Variants in MAP9 observed in about 807,000 individuals in gnomAD.
MAP9 encodes microtubule-associated protein 9.
A neutral mutation model predicts 75.2 loss-of-function variants in MAP9; 80 were observed. The observed-to-expected ratio is 1.06, with a 90% CI of 0.89 to 1.28. The LOEUF (loss-of-function observed/expected upper bound fraction) is 1.28, where lower values mean the gene tolerates loss of function less well. MAP9 is among the 50% of genes most tolerant of loss of function. The pLI is 0.00. For missense variants in MAP9, 753 were observed against 719.9 expected, an observed-to-expected ratio of 1.05 and a Z score of -0.53; for synonymous variants, 235 against 237.3, an observed-to-expected ratio of 0.99 and a Z score of 0.09.
At position 155,343,345 on chromosome 4, in the gene MAP9, A is replaced by G. The variant is rs1042713677; in HGVS notation, c.*4438T>C. On this transcript the variant is annotated 3_prime_UTR_variant, in exon 14 of 14. Transcript: ENST00000311277. ...TAATTTCAGCTACAGGAGAAAGTAC[A>G]CTAGAAACTAATTAACAGGAAGAGT... The G allele has an allele frequency of 1.1e-4, 17 of 151,876 alleles. No individual in the cohort carries two copies. Among genetic ancestry groups the G allele is most frequent in the African/African-American group, 4.1e-4 (17 of 41,524 alleles). 9.4% of individuals were successfully genotyped at this position (151,876 alleles called of 1,614,324 possible).
At position 155,343,502 on chromosome 4, in the gene MAP9, G is replaced by A. The variant is rs1407570220; in HGVS notation, c.*4281C>T. On this transcript the variant is annotated 3_prime_UTR_variant, in exon 14 of 14. Transcript: ENST00000311277. ...ATTATCTCTCTCTGTAATTTGTGTA[G>A]TAAAACATCAGTTTTATATCCAAAT... The A allele has an allele frequency of 1.3e-5, 2 of 151,296 alleles. No individual in the cohort carries two copies. The highest frequency in any genetic ancestry group is 4.8e-5 in the African/African-American group (2 of 41,322). 9.4% of individuals were successfully genotyped at this position (151,296 alleles called of 1,614,324 possible).
chr4:155,347,759 C>A lies in MAP9; in HGVS notation c.*24G>T. The A allele has an allele frequency of 1.3e-6, 2 of 1,563,852 alleles. No individual in the cohort carries two copies. Among genetic ancestry groups the A allele is most frequent in the Non-Finnish European group, 1.7e-6 (2 of 1,158,304 alleles). The stretch of plus-strand genomic sequence containing the variant: ...TAATATTGGCAAACCGATAAATAAC[C>A]AAATAATGTAAGAACTAGAATTATC... On this transcript the variant is annotated 3_prime_UTR_variant, in exon 14 of 14. Transcript: ENST00000311277.
Position 155,358,951 on chromosome 4 carries a change from G to A in MAP9, c.1050+1217C>T, listed in dbSNP as rs183060230. On this transcript the variant is annotated intron_variant, in intron 7 of 13. Transcript: ENST00000311277. ...ATGTTGGTGAGAACACAGAGAAAAG[G>A]GAATGCTTGTATACTCTTGGTAAGA... Among the ~76,000 whole-genome samples, 37 of 151,962 alleles carry A rather than the reference G, an allele frequency of 2.4e-4. No individual in the cohort carries two copies. The South Asian group carries it at 4.4e-3, about 18-fold the overall frequency.
intron 3 of MAP9, among the ~76,000 whole-genome samples, chr4:155,374,700 T>C (rs1377873406): frequency 6.6e-6 from 1 of 152,206 alleles, no homozygotes; most frequent in Non-Finnish European, 1.5e-5. Context: ...TTAATTTATA[T>C]TTTCGTATAC....
At chr4:155,373,110 C>A in intron 4 of MAP9, 26 bp downstream of exon 4, 1 of 1,419,410 alleles carries the variant, frequency 7.0e-7, no homozygotes, top group African/African-American at 1.4e-5. Context: ...CCAAGAAATG[C>A]AATTACAGTA....
intron 13 of MAP9, among the ~76,000 whole-genome samples, chr4:155,351,877 G>C (rs1023471443): frequency 1.3e-5 from 2 of 151,816 alleles, no homozygotes; most frequent in Non-Finnish European, 2.9e-5. Context: ...TGAATCATAT[G>C]AATATGTTAA....
rs757291311 is a variant in MAP9, at chr4:155,343,944, T to G, written c.*3839A>C. 2.6e-5 allele frequency: 4 copies of G among 151,944 alleles called. No individual in the cohort carries two copies. Among genetic ancestry groups the G allele is most frequent in the African/African-American group, 9.7e-5 (4 of 41,438 alleles). The allele number at this position is 151,944 out of a possible 1,614,324, so 9.4% of individuals were successfully genotyped here. A position where few individuals can be genotyped will look rare whatever the true frequency, so the allele number is the denominator to read the frequency against. On this transcript the variant is annotated 3_prime_UTR_variant, in exon 14 of 14. Coordinates refer to ENST00000311277, the MANE Select transcript of MAP9 (RefSeq NM_001039580.2). ...CCAGTGTAAATGCAAACTAGGAAAG[T>G]TGATATCTTTCTTTTATGTAAAAGG... is the stretch of plus-strand genomic sequence containing the variant.
At chr4:155,352,559 T>C (rs781148279) in intron 13 of MAP9, 37 bp downstream of exon 13, 1 of 1,556,386 alleles carries the variant, frequency 6.4e-7, no homozygotes, top group South Asian at 1.2e-5. Flanking sequence ...AAAAGGTACA[T>C]GAAAAAGACG....
chr4:155,352,473 A>T, intron 13 of MAP9, 123 bp downstream of exon 13: 1 of 991,716 alleles, frequency 1.0e-6, no homozygotes, highest in Non-Finnish European at 1.5e-6. Context: ...GCTTGAATTC[A>T]ACAAAGCAGA....
At chr4:155,376,236 C>T (rs1417894765) in intron 1 of MAP9, 1 of 157,286 alleles carries the variant, frequency 6.4e-6, no homozygotes, top group Admixed American at 6.4e-5. Flanking sequence ...ATAACATTGC[C>T]TTCAAAATAA....
intron 3 of MAP9, 135 bp downstream of exon 3, chr4:155,374,802 T>A: frequency 2.2e-6 from 1 of 446,458 alleles, no homozygotes; most frequent in East Asian, 3.3e-5. Flanking sequence ...AAGTTGAAAA[T>A]CTAAAATTAG....
chr4:155,356,029 A>AGTGG (rs1731767955), intron 8 of MAP9, 145 bp from the exon 9 acceptor site: 1 of 707,104 alleles, frequency 1.4e-6, no homozygotes. Flanking sequence ...GGAAGGCCAA[A>AGTGG]GTGGGTGGAT....
intron 3 of MAP9, among the ~76,000 whole-genome samples, chr4:155,373,822 C>T (rs1373119179): frequency 6.6e-6 from 1 of 152,080 alleles, no homozygotes; most frequent in East Asian, 1.9e-4. Flanking sequence ...TTGCAAATTA[C>T]TTCTTCATGT....
intron 8 of MAP9, chr4:155,357,009 G>A (rs1236954675): frequency 6.1e-6 from 1 of 164,688 alleles, no homozygotes; most frequent in Admixed American, 6.4e-5. Flanking sequence ...AATTTCTCAT[G>A]TTAGACAATG....
At chr4:155,372,128 T>A (rs1001117661) in intron 4 of MAP9, among the ~76,000 whole-genome samples, 2 of 152,188 alleles carry the variant, frequency 1.3e-5, no homozygotes, top group African/African-American at 4.8e-5. Flanking sequence ...TGGATATTAT[T>A]CTAGTGTTCT....
At chr4:155,354,574 C>A (rs1358177921) in intron 10 of MAP9, among the ~76,000 whole-genome samples, 2 of 149,246 alleles carry the variant, frequency 1.3e-5, no homozygotes, top group Admixed American at 1.3e-4. Context: ...AGTGATCCTG[C>A]CACCTCAGCC....
intron 5 of MAP9, 40 bp from the exon 6 acceptor site, chr4:155,362,181 A>T: frequency 8.5e-7 from 1 of 1,176,472 alleles, no homozygotes; most frequent in East Asian, 2.4e-5. Context: ...ACATAAGTTT[A>T]ATAATTAACA....
At chr4:155,370,196 C>T (rs954831574) in intron 4 of MAP9, among the ~76,000 whole-genome samples, 1 of 152,150 alleles carries the variant, frequency 6.6e-6, no homozygotes, top group African/African-American at 2.4e-5. Context: ...ATTCTAATTG[C>T]CAAATATCTC....
rs750550223 is a variant in MAP9, at chr4:155,353,352, A to G, written c.1381-12T>C. 1.5e-5 allele frequency: 24 copies of G among 1,552,434 alleles called. No homozygotes were observed. The South Asian group carries it at 2.9e-4, about 19-fold the overall frequency. On this transcript the variant is annotated splice_polypyrimidine_tract_variant and intron_variant, in intron 10 of 13. Transcript: ENST00000311277. ...TTAGCAGCTTTTTTCTACAGTGGAA[A>G]AAATAATAGAGTGATATACATATAT... is the stretch of plus-strand genomic sequence containing the variant.
Sources: gnomAD v4.1 joint callset for allele counts (sites outside exome capture counted in the v4.1 genomes callset) on GRCh38, gnomAD v4.1.1 for gene constraint, MANE v1.5 for transcripts, NCBI Gene and HGNC (gene_info 2026-07-23, HGNC 2026-07-21) for gene names.